Variants in PCDHGC4 observed in about 807,000 individuals in gnomAD.
PCDHGC4 encodes protocadherin gamma-C4.
In PCDHGC4, 15 loss-of-function variants were observed where a neutral mutation model predicts 59.7. The observed-to-expected ratio is 0.25, with a 90% CI of 0.17 to 0.39. The LOEUF is 0.39. Among genes scored for constraint, PCDHGC4 ranks in the 10% least tolerant of loss-of-function variants. The pLI is 1.00. For synonymous variants in PCDHGC4, 434 were observed against 481.4 expected (o/e 0.90, Z 1.29); for missense variants, 1,016 against 1,189.5 (o/e 0.85, Z 2.15).
At position 141,490,524 on chromosome 5, in the gene PCDHGC4, T is replaced by C. The variant is rs1197866164; in HGVS notation, c.2442+2909T>C. The C allele has an allele frequency of 1.2e-6, 2 of 1,613,990 alleles. No homozygotes were observed. Among genetic ancestry groups the C allele is most frequent in the Non-Finnish European group, 1.7e-6 (2 of 1,180,018 alleles). On this transcript the variant is annotated intron_variant, in intron 1 of 3. Transcript: ENST00000306593. The surrounding 1 kb of genome is among the most constrained non-coding windows in gnomAD (Gnocchi z 5.4). ...ATATCATCGAGCTGCTGGCCAGCGA[T>C]GCTGGTTCACCTTCCCTACACAAAC...
In PCDHGC4 at chr5:141,490,745, C is replaced by T. The variant is rs769031787; in HGVS notation, c.2442+3130C>T. 22 of 1,614,120 alleles carry T rather than the reference C, an allele frequency of 1.4e-5. No individual in the cohort carries two copies. Among genetic ancestry groups the T allele is most frequent in the Non-Finnish European group, 1.9e-5 (22 of 1,180,050 alleles). On this transcript the variant is annotated intron_variant, in intron 1 of 3. Transcript: ENST00000306593. The surrounding 1 kb of genome is among the most constrained non-coding windows in gnomAD (Gnocchi z 5.4). Reference sequence around the variant, plus strand: ...GTAGGAAATCAGGTTCAGGGAGCCCCAGCCTCCTCCTTTGTGTATGTCAAC... The same window carrying T: ...GTAGGAAATCAGGTTCAGGGAGCCCTAGCCTCCTCCTTTGTGTATGTCAAC...
At chr5:141,498,220 G>T (rs1562182972) in intron 2 of PCDHGC4, among the ~76,000 whole-genome samples, 1 of 152,222 alleles carries the variant, frequency 6.6e-6, no homozygotes, top group Non-Finnish European at 1.5e-5. Flanking sequence ...GAGCATTCCA[G>T]ATGGTCAGGC....
chr5:141,505,602 A>G lies in PCDHGC4; in HGVS notation c.2590+121A>G, dbSNP rs1041288927. 4.6e-5 allele frequency: 71 copies of G among 1,534,990 alleles called. 1 individual carries two copies. In the Admixed American group the frequency reaches 1.4e-3, roughly 30 times the overall value. On this transcript the variant is annotated intron_variant, in intron 3 of 3. Coordinates refer to ENST00000306593, the MANE Select transcript of PCDHGC4 (RefSeq NM_018928.3). ...GTGTAGTTTCTCCAGATCTTTCGGC[A>G]GGTCTGAAAGGACCCACAATTCCAA...
chr5:141,489,729 C>T lies in PCDHGC4; in HGVS notation c.2442+2114C>T, dbSNP rs760195181. ...ACAGTGCCCAGGATCCGGATGTGGGCACCAATACTGTGAGCTTTTACACTC... is the reference window on the plus strand; with the variant it reads ...ACAGTGCCCAGGATCCGGATGTGGGTACCAATACTGTGAGCTTTTACACTC... On this transcript the variant is annotated intron_variant, in intron 1 of 3. Transcript: ENST00000306593. The surrounding 1 kb of genome is among the most constrained non-coding windows in gnomAD (Gnocchi z 4.5). 2.5e-6 allele frequency: 4 copies of T among 1,614,152 alleles called. No individual in the cohort carries two copies. The highest frequency in any genetic ancestry group is 2.2e-5 in the East Asian group (1 of 44,876).
In PCDHGC4 at chr5:141,489,461, A is replaced by G. The variant is rs1329676538; in HGVS notation, c.2442+1846A>G. 5.0e-6 allele frequency: 8 copies of G among 1,613,832 alleles called. No homozygotes were observed. The highest frequency in any genetic ancestry group is 6.8e-6 in the Non-Finnish European group (8 of 1,179,986). On this transcript the variant is annotated intron_variant, in intron 1 of 3. Transcript: ENST00000306593. This position sits in a 1 kb window ranked among gnomAD's most constrained non-coding sequence, Gnocchi z 4.5. ...TTGGGCTCTGAGGAGAATGGGCGCT[A>G]TTTTTCCCTGAGCTTGATGAGTGGT...
At chr5:141,502,216 A>G (rs957759583) in intron 2 of PCDHGC4, among the ~76,000 whole-genome samples, 3 of 152,334 alleles carry the variant, frequency 2.0e-5, no homozygotes, top group Admixed American at 6.5e-5. Context: ...GCAGATTTTC[A>G]TAAATGTTCT....
rs377061064 is a variant in PCDHGC4, at chr5:141,505,429, C to A, written c.2538C>A (p.Asn846Lys). 1.2e-6 allele frequency: 2 copies of A among 1,614,116 alleles called. No homozygotes were observed. Among genetic ancestry groups the A allele is most frequent in the African/African-American group, 1.3e-5 (1 of 74,938 alleles). Residue 846 changes from asparagine (N) to lysine (K), a missense_variant, in exon 3 of 4, where the codon AAC becomes AAA. Asn to Lys is a moderately conservative substitution (Grantham distance 94, BLOSUM62 0). Coordinates refer to ENST00000306593, the MANE Select transcript of PCDHGC4 (RefSeq NM_018928.3). ...QNGDDTGTWP[N>K]NQFDTEMLQA... ...GCGATGACACCGGCACCTGGCCCAA[C>A]AACCAGTTTGACACAGAGATGCTGC...
intron 2 of PCDHGC4, 57 bp downstream of exon 2, chr5:141,494,922 C>G: frequency 6.2e-7 from 1 of 1,613,670 alleles, no homozygotes; most frequent in Admixed American, 1.7e-5. Context: ...TCAGGGATGA[C>G]GTGGGAGGAG....
rs186638311 is a variant in PCDHGC4, at chr5:141,492,901, T to C, written c.2443-1906T>C. 3.7e-3 allele frequency among the ~76,000 whole-genome samples: 568 copies of C among 152,326 alleles called. 5 individuals carry two copies. The highest frequency in any genetic ancestry group is 0.011 in the Admixed American group (163 of 15,308). On this transcript the variant is annotated intron_variant, in intron 1 of 3. Coordinates refer to ENST00000306593, the MANE Select transcript of PCDHGC4 (RefSeq NM_018928.3). ...GAGATACAGGCTTTTGGCGCCGTCG[T>C]GATCACAATGTGCCCAGCGATCTAG...
At position 141,511,271 on chromosome 5, in the gene PCDHGC4, C is replaced by T. The variant is rs371445452; in HGVS notation, c.*98C>T. ...GCCTCAGAGTTTCAGGGCTAACCCC[C>T]AGAATACTGGTAGGGGCCAAGGCCA... On this transcript the variant is annotated 3_prime_UTR_variant, in exon 4 of 4. Transcript: ENST00000306593. 9.1e-6 allele frequency: 14 copies of T among 1,544,094 alleles called. No individual in the cohort carries two copies. In the African/African-American group the frequency reaches 1.6e-4, roughly 18 times the overall value.
chr5:141,487,477 C>A lies in PCDHGC4; in HGVS notation c.2304C>A (p.His768Gln), dbSNP rs748435479. Residue 768 changes from histidine to glutamine, a missense_variant, in exon 1 of 4, where the codon CAC (histidine) becomes CAA (glutamine). By Grantham distance (24) the His-to-Gln change is conservative. Transcript: ENST00000306593. The surrounding 1 kb of genome is among the most constrained non-coding windows in gnomAD (Gnocchi z 5.0). The part of the protein sequence containing the change: ...DPIKFVDVGG[H>Q]SHGCTPLASA... ...TCAAGTTTGTTGATGTGGGAGGCCA[C>A]TCTCATGGCTGTACACCCTTGGCTT... 1 of 1,614,200 alleles carries A rather than the reference C, an allele frequency of 6.2e-7. No individual in the cohort carries two copies. The highest frequency in any genetic ancestry group is 1.7e-5 in the Admixed American group (1 of 60,030).
In PCDHGC4 at chr5:141,511,532, T is replaced by G. The variant is rs548369303; in HGVS notation, c.*359T>G. Reference sequence around the variant, plus strand: ...GCCCATCCATCCCATGCCTCCCTCCTCCCCACCCCACTCCAACAGTTCCTC... The same window carrying G: ...GCCCATCCATCCCATGCCTCCCTCCGCCCCACCCCACTCCAACAGTTCCTC... On this transcript the variant is annotated 3_prime_UTR_variant, in exon 4 of 4. Transcript: ENST00000306593. 3.6e-5 allele frequency: 12 copies of G among 335,506 alleles called. No homozygotes were observed. In the East Asian group the frequency reaches 8.0e-4, roughly 22 times the overall value. The allele number at this position is 335,506 out of a possible 1,614,324, so 20.8% of individuals were successfully genotyped here. A position where few individuals can be genotyped will look rare whatever the true frequency, so the allele number is the denominator to read the frequency against.
At chr5:141,496,285 A>G (rs1003747820) in intron 2 of PCDHGC4, among the ~76,000 whole-genome samples, 1 of 152,210 alleles carries the variant, frequency 6.6e-6, no homozygotes, top group Non-Finnish European at 1.5e-5. Flanking sequence ...AGTTGGTCTG[A>G]GCAGAGTGGG....
chr5:141,502,864 G>T (rs1595824348), intron 2 of PCDHGC4, among the ~76,000 whole-genome samples: 4 of 61,548 alleles, frequency 6.5e-5, no homozygotes, highest in African/African-American at 2.4e-4. Flanking sequence ...CTGACTCTCT[G>T]TCTTTTTTTT....
In PCDHGC4 at chr5:141,511,251, A is replaced by T. The variant is rs780892899; in HGVS notation, c.*78A>T. 2.0e-5 allele frequency: 32 copies of T among 1,571,672 alleles called. No homozygotes were observed. Among genetic ancestry groups the T allele is most frequent in the Non-Finnish European group, 2.6e-5 (30 of 1,158,828 alleles). ...TTCTCCTTACCTGCACCCAGGCCTC[A>T]GAGTTTCAGGGCTAACCCCCAGAAT... On this transcript the variant is annotated 3_prime_UTR_variant, in exon 4 of 4. Transcript: ENST00000306593.
chr5:141,497,240 GA>G (rs1221446648), intron 2 of PCDHGC4, among the ~76,000 whole-genome samples: 125 of 152,188 alleles, frequency 8.2e-4, no homozygotes, highest in African/African-American at 3.0e-3. Flanking sequence ...AGGCTTCTAG[GA>G]GGAGGTGACA....
At position 141,486,218 on chromosome 5, in the gene PCDHGC4, T is replaced by A. The variant is rs1467104398; in HGVS notation, c.1045T>A (p.Tyr349Asn). The A allele has an allele frequency of 2.5e-6, 4 of 1,614,004 alleles. No homozygotes were observed. The African/African-American group carries it at 5.3e-5, about 22-fold the overall frequency. Residue 349 changes from tyrosine (Y) to asparagine (N), a missense_variant, in exon 1 of 4, where the codon TAC (tyrosine) becomes AAC (asparagine). By Grantham distance (143) the Tyr-to-Asn change is moderately radical. Transcript: ENST00000306593. The surrounding 1 kb of genome is among the most constrained non-coding windows in gnomAD (Gnocchi z 5.0). ...GCTGGACGTAAATGACAATGCCCCT[T>A]ACATCACAGTGACCTCAGAGCTTGG... ...DLLDVNDNAP[Y>N]ITVTSELGTL...
At position 141,490,124 on chromosome 5, in the gene PCDHGC4, T is replaced by C. The variant is rs1216088470; in HGVS notation, c.2442+2509T>C. On this transcript the variant is annotated intron_variant, in intron 1 of 3. Transcript: ENST00000306593. The surrounding 1 kb of genome is among the most constrained non-coding windows in gnomAD (Gnocchi z 5.4). ...GAGGCAGTGCGGAACCTCTTTGGCCTAGACCCTAGCAGTGGGGCAATCCAT... is the reference window on the plus strand; with the variant it reads ...GAGGCAGTGCGGAACCTCTTTGGCCCAGACCCTAGCAGTGGGGCAATCCAT... 6.2e-7 allele frequency: 1 copy of C among 1,614,144 alleles called. No individual in the cohort carries two copies. Among genetic ancestry groups the C allele is most frequent in the Non-Finnish European group, 8.5e-7 (1 of 1,180,054 alleles).
chr5:141,499,402 A>G (rs2099791723), intron 2 of PCDHGC4, among the ~76,000 whole-genome samples: 2 of 152,212 alleles, frequency 1.3e-5, no homozygotes, highest in South Asian at 4.1e-4. Context: ...GTACATGCTC[A>G]TTATAGAAAC....
Sources: allele counts gnomAD v4.1 joint callset (sites outside exome capture counted in the v4.1 genomes callset), GRCh38; gene constraint gnomAD v4.1.1; non-coding constraint Gnocchi (gnomAD v3.1); transcripts MANE v1.5; gene names NCBI Gene and HGNC (gene_info 2026-07-23, HGNC 2026-07-21).